The following DCC variants were observed in gnomAD, a reference collection of about 807,000 sequenced individuals.
DCC encodes the protein DCC netrin 1 receptor.
A neutral mutation model predicts 172.5 loss-of-function variants in DCC; 58 were observed. The observed-to-expected ratio is 0.34, with a 90% CI of 0.27 to 0.42. DCC has a LOEUF of 0.42. Among genes scored for constraint, DCC ranks in the 10% least tolerant of loss-of-function variants. The probability of loss-of-function intolerance (pLI) is 1.00; values close to 1 mark genes in which losing one functional copy is unlikely to be tolerated. For missense variants in DCC, 1,740 were observed against 1,791.0 expected (o/e 0.97, Z 0.51); for synonymous variants, 709 against 644.5 (o/e 1.10, Z -1.52).
intron 26 of DCC, among the ~76,000 whole-genome samples, chr18:53,493,855 T>C (rs2045987812): frequency 6.6e-6 from 1 of 152,198 alleles, no homozygotes; most frequent in Admixed American, 6.5e-5. Flanking sequence ...TAGTTATTTC[T>C]TGTCTTCTGC....
Position 52,636,037 on chromosome 18 carries a change from C to A in DCC, c.92-116017C>A, listed in dbSNP as rs575899027. On this transcript the variant is annotated intron_variant, in intron 1 of 28. Coordinates refer to ENST00000442544, the MANE Select transcript of DCC (RefSeq NM_005215.4). ...ACTGTGAGCGCCCCAACTGCGGAAG[C>A]GGGAAAAGGAGACCCTCCTCTCCTG... Among the ~76,000 whole-genome samples the A allele has an allele frequency of 2.6e-5, 4 of 152,272 alleles. No homozygotes were observed. The South Asian group carries it at 8.3e-4, about 32-fold the overall frequency.
chr18:53,254,997 G>A (rs958171450), intron 12 of DCC, among the ~76,000 whole-genome samples: 2 of 151,924 alleles, frequency 1.3e-5, no homozygotes, highest in African/African-American at 4.8e-5. Context: ...TAGCCCAGTT[G>A]TTCAGGTAAC....
chr18:52,524,623 A>G (rs2031923658), intron 1 of DCC, among the ~76,000 whole-genome samples: 1 of 152,184 alleles, frequency 6.6e-6, no homozygotes, highest in East Asian at 1.9e-4. Flanking sequence ...TTATTTTATA[A>G]AAATGAAGTT....
intron 14 of DCC, among the ~76,000 whole-genome samples, chr18:53,330,307 G>C (rs1445119257): frequency 6.6e-6 from 1 of 151,990 alleles, no homozygotes; most frequent in Non-Finnish European, 1.5e-5. Flanking sequence ...ATAATCACTT[G>C]TCATCCAAGC....
At position 52,516,675 on chromosome 18, in the gene DCC, CATTAAATACCTGAAA is replaced by C. The variant is rs545995018; in HGVS notation, c.91+175799_91+175813del. ...TAATACTGTCATATACATCAAAGTG[CATTAAATACCTGAAA>C]AGGTCATTATTGCCTTATTAGATAT... On this transcript the variant is annotated intron_variant, in intron 1 of 28. Transcript: ENST00000442544. Among the ~76,000 whole-genome samples, 30 of 152,288 alleles carry C rather than the reference CATTAAATACCTGAAA, an allele frequency of 2.0e-4. 1 individual carries two copies. The South Asian group carries it at 6.2e-3, about 32-fold the overall frequency.
chr18:52,853,183 C>T (rs1035009203), intron 2 of DCC, among the ~76,000 whole-genome samples: 2 of 152,006 alleles, frequency 1.3e-5, no homozygotes, highest in African/African-American at 2.4e-5. Context: ...ATTTAATTTG[C>T]GAATCTCATG....
intron 1 of DCC, among the ~76,000 whole-genome samples, chr18:52,426,602 T>C (rs1021410085): frequency 2.8e-4 from 42 of 151,542 alleles, no homozygotes; most frequent in African/African-American, 9.7e-4. Flanking sequence ...CAAATATCTG[T>C]TTAATAGGCC....
intron 1 of DCC, among the ~76,000 whole-genome samples, chr18:52,568,242 G>T (rs2033208849): frequency 6.6e-6 from 1 of 152,022 alleles, no homozygotes; most frequent in South Asian, 2.1e-4. Flanking sequence ...AAAAACATAT[G>T]CTCTCACAAA....
intron 2 of DCC, among the ~76,000 whole-genome samples, chr18:52,815,090 A>G (rs1366255315): frequency 1.3e-5 from 2 of 152,220 alleles, no homozygotes; most frequent in Non-Finnish European, 2.9e-5. Flanking sequence ...ATTGTAGGCC[A>G]AATATAGTAA....
chr18:52,399,241 A>G (rs1026840922), intron 1 of DCC, among the ~76,000 whole-genome samples: 88 of 151,922 alleles, frequency 5.8e-4, no homozygotes, highest in African/African-American at 2.1e-3. Context: ...AGTTTGAGGA[A>G]AAAGTTGAGT....
intron 1 of DCC, among the ~76,000 whole-genome samples, chr18:52,513,568 AAAT>A (rs1194326378): frequency 6.6e-6 from 1 of 152,186 alleles, no homozygotes; most frequent in Non-Finnish European, 1.5e-5. Flanking sequence ...GTATTATTTA[AAAT>A]AATATATGTT....
chr18:52,545,737 C>T (rs1327169307), intron 1 of DCC, among the ~76,000 whole-genome samples: 1 of 152,154 alleles, frequency 6.6e-6, no homozygotes, highest in African/African-American at 2.4e-5. Context: ...TTATTCATAT[C>T]TTGAGACCAG....
chr18:52,778,773 G>C (rs930600149), intron 2 of DCC, among the ~76,000 whole-genome samples: 1 of 152,210 alleles, frequency 6.6e-6, no homozygotes, highest in East Asian at 1.9e-4. Flanking sequence ...AAGATATTCT[G>C]TTTTATTATC....
chr18:52,507,289 A>AT (rs2031265920), intron 1 of DCC, among the ~76,000 whole-genome samples: 1 of 152,098 alleles, frequency 6.6e-6, no homozygotes, highest in Admixed American at 6.6e-5. Flanking sequence ...CTAAGATGTT[A>AT]TTTTTTCTAA....
rs527915379 is a variant in DCC, at chr18:53,211,787, C to T, written c.1862-3761C>T. ...GAATTACTGCTGGGCAGTAATTACA[C>T]TTGTAATCCCAGAACTTTGGGAAGC... is the stretch of plus-strand genomic sequence containing the variant. On this transcript the variant is annotated intron_variant, in intron 11 of 28. Coordinates refer to ENST00000442544, the MANE Select transcript of DCC (RefSeq NM_005215.4). Among the ~76,000 whole-genome samples the T allele has an allele frequency of 3.3e-5, 5 of 152,118 alleles. No individual in the cohort carries two copies. In the East Asian group the frequency reaches 9.7e-4, roughly 29 times the overall value.
intron 1 of DCC, among the ~76,000 whole-genome samples, chr18:52,676,858 A>G (rs2035654289): frequency 1.3e-5 from 2 of 152,170 alleles, no homozygotes; most frequent in Non-Finnish European, 2.9e-5. Context: ...CCTGGAGATC[A>G]TGTTCCTTTT....
chr18:52,858,673 A>G (rs113097893), intron 2 of DCC, among the ~76,000 whole-genome samples: 3,239 of 152,296 alleles, frequency 0.021, 96 homozygotes, highest in African/African-American at 0.07. Flanking sequence ...GTGGAAAACC[A>G]TGCTGGAAAA....
chr18:52,404,751 C>T (rs1157293691), intron 1 of DCC, among the ~76,000 whole-genome samples: 5 of 150,562 alleles, frequency 3.3e-5, no homozygotes, highest in African/African-American at 7.3e-5. Flanking sequence ...GATGCTGGTG[C>T]GCTGCACCCA....
chr18:52,687,392 C>A (rs1267897017), intron 1 of DCC, among the ~76,000 whole-genome samples: 1 of 149,610 alleles, frequency 6.7e-6, no homozygotes, highest in Admixed American at 6.7e-5. Context: ...TCAAGCAATT[C>A]TCCTGCCTCA....
Sources: allele counts gnomAD v4.1 joint callset (sites outside exome capture counted in the v4.1 genomes callset), GRCh38; gene constraint gnomAD v4.1.1; transcripts MANE v1.5; gene names NCBI Gene and HGNC (gene_info 2026-07-23, HGNC 2026-07-21).